Variants in PYGO1 observed in about 807,000 individuals in gnomAD.
The protein encoded by PYGO1 is pygopus family PHD finger 1, also known as pygopus homolog 1.
PYGO1 carries 6 observed loss-of-function variants against 29.5 expected under a neutral mutation model. That is an observed-to-expected ratio of 0.20 (90% CI 0.11 to 0.40). The LOEUF (loss-of-function observed/expected upper bound fraction) is 0.40, where lower values mean the gene tolerates loss of function less well. Among genes scored for constraint, PYGO1 ranks in the 10% least tolerant of loss-of-function variants. The pLI, the probability that PYGO1 is intolerant of heterozygous loss-of-function variation, is 1.00. For missense variants in PYGO1, 515 were observed against 514.9 expected (o/e 1.00, Z 0.00); for synonymous variants, 186 against 180.5 (o/e 1.03, Z -0.24).
chr15:55,584,873 C>T (rs1389177732), intron 1 of PYGO1, among the ~76,000 whole-genome samples: 2 of 152,180 alleles, frequency 1.3e-5, no homozygotes, highest in Non-Finnish European at 2.9e-5. Flanking sequence ...CCAGCTGCTT[C>T]TGGTCTACTC....
intron 1 of PYGO1, among the ~76,000 whole-genome samples, chr15:55,564,640 A>G (rs113331177): frequency 2.5e-3 from 376 of 152,318 alleles, no homozygotes; most frequent in African/African-American, 8.6e-3. Flanking sequence ...AGAAACAAAG[A>G]AAGTAGTGAC....
intron 1 of PYGO1, among the ~76,000 whole-genome samples, 164 bp downstream of exon 1, chr15:55,587,671 G>T (rs1465628868): frequency 6.6e-6 from 1 of 151,848 alleles, no homozygotes; most frequent in Non-Finnish European, 1.5e-5. Context: ...GCGGGCGCCC[G>T]GGCCGCGCGC....
At chr15:55,568,608 C>G (rs1311961539) in intron 1 of PYGO1, among the ~76,000 whole-genome samples, 1 of 152,000 alleles carries the variant, frequency 6.6e-6, no homozygotes, top group Non-Finnish European at 1.5e-5. Flanking sequence ...CCTGAGTGCT[C>G]TAACACTTCC....
chr15:55,547,341 T>G (rs771799693), intron 2 of PYGO1, among the ~76,000 whole-genome samples, 194 bp from the exon 3 acceptor site: 5 of 152,240 alleles, frequency 3.3e-5, no homozygotes, highest in South Asian at 2.1e-4. Context: ...ATAAAAATAT[T>G]TAGTTTTATT....
rs1470172618 is a variant in PYGO1, at chr15:55,542,357, T to C, written c.*3666A>G. On this transcript the variant is annotated 3_prime_UTR_variant, in exon 3 of 3. Coordinates refer to ENST00000563719, the MANE Select transcript of PYGO1 (RefSeq NM_001367806.1). ...AAAAAGTAGATTTCTTTACACTGTG[T>C]TTATGAAGAATAAGCACTAGTACAA... 1 of 152,218 alleles carries C rather than the reference T, an allele frequency of 6.6e-6. No homozygotes were observed. Among genetic ancestry groups the C allele is most frequent in the Admixed American group, 6.5e-5 (1 of 15,278 alleles). The allele number at this position is 152,218 out of a possible 1,614,324, so 9.4% of individuals were successfully genotyped here. A position where few individuals can be genotyped will look rare whatever the true frequency, so the allele number is the denominator to read the frequency against.
Position 55,542,356 on chromosome 15 carries a change from G to A in PYGO1, c.*3667C>T, listed in dbSNP as rs945005916. 1 of 152,128 alleles carries A rather than the reference G, an allele frequency of 6.6e-6. No homozygotes were observed. Among genetic ancestry groups the A allele is most frequent in the Admixed American group, 6.5e-5 (1 of 15,274 alleles). 9.4% of individuals were successfully genotyped at this position (152,128 alleles called of 1,614,324 possible). The stretch of plus-strand genomic sequence containing the variant: ...AAAAAAGTAGATTTCTTTACACTGT[G>A]TTTATGAAGAATAAGCACTAGTACA... On this transcript the variant is annotated 3_prime_UTR_variant, in exon 3 of 3. Coordinates refer to ENST00000563719, the MANE Select transcript of PYGO1 (RefSeq NM_001367806.1).
At chr15:55,575,968 G>A (rs1304327308) in intron 1 of PYGO1, among the ~76,000 whole-genome samples, 1 of 152,164 alleles carries the variant, frequency 6.6e-6, no homozygotes, top group Non-Finnish European at 1.5e-5. Flanking sequence ...TCTCACAGTT[G>A]CTATCTCTGT....
At chr15:55,570,063 T>C (rs549374729) in intron 1 of PYGO1, among the ~76,000 whole-genome samples, 2 of 152,172 alleles carry the variant, frequency 1.3e-5, no homozygotes, top group Non-Finnish European at 1.5e-5. Context: ...TCTACCTGAG[T>C]TGCTCAGATC....
At chr15:55,555,592 G>T (rs1286069956) in intron 1 of PYGO1, among the ~76,000 whole-genome samples, 1 of 151,112 alleles carries the variant, frequency 6.6e-6, no homozygotes, top group African/African-American at 2.4e-5. Flanking sequence ...GTTAATGGGT[G>T]CAGCATACCA....
chr15:55,562,282 A>G (rs1353403862), intron 1 of PYGO1, among the ~76,000 whole-genome samples: 1 of 152,248 alleles, frequency 6.6e-6, no homozygotes, highest in Non-Finnish European at 1.5e-5. Flanking sequence ...AAGTGTGGTG[A>G]TTCCTCAAAG....
intron 1 of PYGO1, among the ~76,000 whole-genome samples, chr15:55,568,479 T>G (rs1420084339): frequency 6.6e-6 from 1 of 152,144 alleles, no homozygotes; most frequent in African/African-American, 2.4e-5. Flanking sequence ...TAAAATTGTT[T>G]ATAAATTCTA....
chr15:55,588,705 G>T, upstream of PYGO1: 1 of 1,360,426 alleles, frequency 7.4e-7, no homozygotes, highest in Non-Finnish European at 1.0e-6. Flanking sequence ...ACGCTACCGG[G>T]CCCAGCTTTC....
intron 1 of PYGO1, among the ~76,000 whole-genome samples, chr15:55,580,242 C>A (rs958969619): frequency 6.6e-6 from 1 of 152,314 alleles, no homozygotes; most frequent in African/African-American, 2.4e-5. Context: ...TCTTTTCCAA[C>A]AAAACGGTGA....
intron 1 of PYGO1, among the ~76,000 whole-genome samples, chr15:55,587,002 T>G (rs1447022166): frequency 3.3e-5 from 5 of 152,262 alleles, no homozygotes; most frequent in Admixed American, 1.3e-4. Context: ...GAACAGTGTC[T>G]AGCACATAGT....
At chr15:55,557,023 C>T (rs879291645) in intron 1 of PYGO1, among the ~76,000 whole-genome samples, 21 of 151,658 alleles carry the variant, frequency 1.4e-4, no homozygotes, top group African/African-American at 3.6e-4. Flanking sequence ...CAAAGAAGCC[C>T]AGGACCAGAC....
chr15:55,545,482 T>G lies in PYGO1; in HGVS notation c.*541A>C, dbSNP rs992566841. 6 of 152,342 alleles carry G rather than the reference T, an allele frequency of 3.9e-5. No homozygotes were observed. Among genetic ancestry groups the G allele is most frequent in the African/African-American group, 1.4e-4 (6 of 41,454 alleles). 9.4% of individuals were successfully genotyped at this position (152,342 alleles called of 1,614,324 possible). On this transcript the variant is annotated 3_prime_UTR_variant, in exon 3 of 3. Coordinates refer to ENST00000563719, the MANE Select transcript of PYGO1 (RefSeq NM_001367806.1). Reference sequence around the variant, plus strand: ...CAAACAGATATCCTGAAAACTCACTTGAAATATGAAATTCATTGATTCCAA... The same window carrying G: ...CAAACAGATATCCTGAAAACTCACTGGAAATATGAAATTCATTGATTCCAA...
chr15:55,581,806 G>C (rs987664616), intron 1 of PYGO1, among the ~76,000 whole-genome samples: 8 of 73,048 alleles, frequency 1.1e-4, no homozygotes, highest in Non-Finnish European at 8.3e-5. Flanking sequence ...AGGGACTAAG[G>C]GGGAGGCCAT....
chr15:55,588,663 G>C, upstream of PYGO1: 1 of 786,392 alleles, frequency 1.3e-6, no homozygotes, highest in Non-Finnish European at 1.9e-6. Context: ...CTCGCCGACC[G>C]CCAGGCCCGA....
At chr15:55,552,472 T>A (rs2058883596) in intron 1 of PYGO1, among the ~76,000 whole-genome samples, 1 of 150,476 alleles carries the variant, frequency 6.6e-6, no homozygotes, top group Non-Finnish European at 1.5e-5. Context: ...ATCCAGGTTC[T>A]CACAATGGGA....
Sources: gnomAD v4.1 joint callset for allele counts (sites outside exome capture counted in the v4.1 genomes callset) on GRCh38, gnomAD v4.1.1 for gene constraint, MANE v1.5 for transcripts, NCBI Gene and HGNC (gene_info 2026-07-23, HGNC 2026-07-21) for gene names.